Variants in ULK4 observed in about 807,000 individuals in gnomAD.
ULK4 encodes unc-51 like kinase 4, also known as inactive serine/threonine-protein kinase ULK4.
ULK4 carries 133 observed loss-of-function variants against 160.6 expected under a neutral mutation model. That is an observed-to-expected ratio of 0.83 (90% confidence interval 0.72 to 0.96). The LOEUF (loss-of-function observed/expected upper bound fraction) is 0.96, where lower values mean the gene tolerates loss of function less well. ULK4 is among the 40% of genes least tolerant of loss of function. The pLI is 0.00. For synonymous variants in ULK4, 534 were observed against 539.8 expected, an observed-to-expected ratio of 0.99 and a Z score of 0.15; for missense variants, 1,580 against 1,499.5, an observed-to-expected ratio of 1.05 and a Z score of -0.89.
chr3:41,287,089 A>G (rs1403664589), intron 35 of ULK4, among the ~76,000 whole-genome samples: 1 of 152,242 alleles, frequency 6.6e-6, no homozygotes, highest in Non-Finnish European at 1.5e-5. Flanking sequence ...ATCCTGGCAC[A>G]TCAAAGAGCC....
At chr3:41,741,536 T>C (rs972756893) in intron 22 of ULK4, among the ~76,000 whole-genome samples, 1 of 152,002 alleles carries the variant, frequency 6.6e-6, no homozygotes, top group Admixed American at 6.6e-5. Flanking sequence ...CTGCATTAAA[T>C]AACCTAAAGC....
At chr3:41,843,503 G>T (rs1186965594) in intron 17 of ULK4, among the ~76,000 whole-genome samples, 2 of 152,042 alleles carry the variant, frequency 1.3e-5, no homozygotes, top group Non-Finnish European at 2.9e-5. Context: ...GGGGTTCGTG[G>T]TTTCACTAGC....
At chr3:41,491,117 T>C (rs1384394480) in intron 32 of ULK4, among the ~76,000 whole-genome samples, 1 of 152,194 alleles carries the variant, frequency 6.6e-6, no homozygotes, top group African/African-American at 2.4e-5. Flanking sequence ...AATAAATACT[T>C]AAAACACTAT....
At chr3:41,771,463 G>C (rs775956847) in intron 21 of ULK4, among the ~76,000 whole-genome samples, 9 of 152,120 alleles carry the variant, frequency 5.9e-5, no homozygotes, top group Admixed American at 2.0e-4. Context: ...TTTATGATTT[G>C]TACATTCTAT....
chr3:41,417,922 C>T (rs1287322791), intron 34 of ULK4, among the ~76,000 whole-genome samples: 1 of 152,120 alleles, frequency 6.6e-6, no homozygotes, highest in South Asian at 2.1e-4. Flanking sequence ...ATCACTCTGA[C>T]CTTCGTGCTG....
chr3:41,954,274 C>A (rs1700408031), intron 2 of ULK4, among the ~76,000 whole-genome samples: 1 of 150,620 alleles, frequency 6.6e-6, no homozygotes, highest in Non-Finnish European at 1.5e-5. Context: ...GTGGGAGGAT[C>A]ATCTGAGCCC....
At chr3:41,847,730 C>A (rs1238069356) in intron 17 of ULK4, among the ~76,000 whole-genome samples, 2 of 152,122 alleles carry the variant, frequency 1.3e-5, no homozygotes, top group Non-Finnish European at 2.9e-5. Flanking sequence ...ATCCCCACTC[C>A]TTTTTTAATC....
At chr3:41,848,522 AG>A (rs781720159) in intron 17 of ULK4, among the ~76,000 whole-genome samples, 1 of 152,190 alleles carries the variant, frequency 6.6e-6, no homozygotes, top group Non-Finnish European at 1.5e-5. Context: ...AAAACCTGAA[AG>A]GGTCCCAGGC....
intron 35 of ULK4, among the ~76,000 whole-genome samples, chr3:41,253,827 T>C (rs1023766937): frequency 4.6e-5 from 7 of 152,124 alleles, no homozygotes. Flanking sequence ...AGATATACCA[T>C]GCACACATAA....
chr3:41,510,362 A>C (rs1382395825), intron 32 of ULK4, among the ~76,000 whole-genome samples: 1 of 152,238 alleles, frequency 6.6e-6, no homozygotes, highest in Non-Finnish European at 1.5e-5. Context: ...GAAATAAGAC[A>C]GATGTCAACA....
At chr3:41,909,285 A>C (rs1698690532) in intron 11 of ULK4, among the ~76,000 whole-genome samples, 2 of 151,784 alleles carry the variant, frequency 1.3e-5, no homozygotes, top group Non-Finnish European at 2.9e-5. Context: ...TATCATCTTC[A>C]AATTCCCAAG....
At chr3:41,881,987 G>C (rs1391544715) in intron 17 of ULK4, among the ~76,000 whole-genome samples, 5 of 150,746 alleles carry the variant, frequency 3.3e-5, no homozygotes, top group Non-Finnish European at 7.4e-5. Context: ...CCAAGTGGGA[G>C]TACAGCAGCA....
chr3:41,780,129 T>C (rs1236285796), intron 21 of ULK4, among the ~76,000 whole-genome samples: 2 of 151,030 alleles, frequency 1.3e-5, no homozygotes, highest in Non-Finnish European at 2.9e-5. Flanking sequence ...CTGGGCAGCA[T>C]GGCGAAACCC....
chr3:41,724,639 C>T (rs1321323616), intron 22 of ULK4, among the ~76,000 whole-genome samples: 3 of 152,024 alleles, frequency 2.0e-5, no homozygotes, highest in African/African-American at 7.2e-5. Context: ...AGGAGAATGG[C>T]GTGAACCCGG....
intron 32 of ULK4, among the ~76,000 whole-genome samples, chr3:41,487,445 A>C (rs1046568375): frequency 6.6e-6 from 1 of 152,198 alleles, no homozygotes; most frequent in African/African-American, 2.4e-5. Flanking sequence ...AAATATCAAA[A>C]TATATTCCAA....
chr3:41,696,455 T>C (rs1482148992), intron 27 of ULK4, among the ~76,000 whole-genome samples: 1 of 152,092 alleles, frequency 6.6e-6, no homozygotes, highest in Non-Finnish European at 1.5e-5. Context: ...TACCTATCAT[T>C]GGAAATGACT....
intron 21 of ULK4, among the ~76,000 whole-genome samples, chr3:41,757,618 C>T (rs1458595626): frequency 7.1e-5 from 9 of 127,616 alleles, no homozygotes; most frequent in South Asian, 2.5e-4. Flanking sequence ...CGCAACAGAG[C>T]GAGACTCTCT....
At chr3:41,771,998 C>T (rs777992224) in intron 21 of ULK4, among the ~76,000 whole-genome samples, 1 of 152,192 alleles carries the variant, frequency 6.6e-6, no homozygotes, top group Non-Finnish European at 1.5e-5. Context: ...TCCTCAGAAG[C>T]AAGCATGCTC....
intron 21 of ULK4, among the ~76,000 whole-genome samples, chr3:41,783,848 C>G (rs2125586078): frequency 6.6e-6 from 1 of 152,238 alleles, no homozygotes; most frequent in Non-Finnish European, 1.5e-5. Context: ...CATCCATGAA[C>G]TCTCAGACTT....
Sources: allele counts gnomAD v4.1 joint callset (sites outside exome capture counted in the v4.1 genomes callset), GRCh38; gene constraint gnomAD v4.1.1; transcripts MANE v1.5; gene names NCBI Gene and HGNC (gene_info 2026-07-23, HGNC 2026-07-21).